The following ANTXR1 variants were observed in gnomAD, a reference collection of about 807,000 sequenced individuals.
ANTXR1 encodes the protein anthrax toxin receptor 1.
A neutral mutation model predicts 78.1 loss-of-function variants in ANTXR1; 19 were observed. The observed-to-expected ratio is 0.24, with a 90% CI of 0.17 to 0.36. ANTXR1 has a LOEUF of 0.36. ANTXR1 is among the 10% of genes least tolerant of loss of function. The pLI is 1.00. For missense variants in ANTXR1, 518 were observed against 718.6 expected (o/e 0.72, Z 3.19); for synonymous variants, 273 against 260.5 (o/e 1.05, Z -0.46).
At chr2:69,205,888 T>C (rs561491996) in intron 17 of ANTXR1, among the ~76,000 whole-genome samples, 1 of 152,188 alleles carries the variant, frequency 6.6e-6, no homozygotes, top group Non-Finnish European at 1.5e-5. Context: ...GTCATTGCCA[T>C]TTATTAATAA....
At chr2:69,068,506 C>T (rs536234395) in intron 3 of ANTXR1, among the ~76,000 whole-genome samples, 6 of 152,136 alleles carry the variant, frequency 3.9e-5, no homozygotes, top group East Asian at 1.9e-4. Flanking sequence ...CAGTGATTGC[C>T]GATGTGAAGT....
chr2:69,153,710 A>G (rs893660352), intron 13 of ANTXR1, among the ~76,000 whole-genome samples: 10 of 152,266 alleles, frequency 6.6e-5, no homozygotes, highest in Admixed American at 4.6e-4. Flanking sequence ...AAAAGAAAAG[A>G]AAAACCTTAC....
chr2:69,121,835 T>C (rs759056275), intron 10 of ANTXR1, among the ~76,000 whole-genome samples: 2 of 152,180 alleles, frequency 1.3e-5, no homozygotes, highest in African/African-American at 2.4e-5. Flanking sequence ...ATATACTTAG[T>C]ATAATAACTT....
intron 12 of ANTXR1, among the ~76,000 whole-genome samples, chr2:69,125,159 G>C (rs1471302787): frequency 1.3e-5 from 2 of 152,140 alleles, no homozygotes; most frequent in Non-Finnish European, 1.5e-5. Flanking sequence ...AGGAGAAAAT[G>C]GAAAACTGAT....
chr2:69,245,463 C>A lies in ANTXR1; in HGVS notation c.1673C>A (p.Pro558His). ...PPNRAPPPSR[P>H]PPRPSV Reference sequence around the variant, plus strand: ...AACAGGGCACCTCCTCCCTCCCGCCCTCCTCCAAGGCCTTCTGTCTAGAGC... The same window carrying A: ...AACAGGGCACCTCCTCCCTCCCGCCATCCTCCAAGGCCTTCTGTCTAGAGC... Residue 558 changes from proline to histidine, a missense_variant, in exon 18 of 18, where the codon CCT becomes CAT. This residue lies in a region of ANTXR1 where 192 missense variants were observed against 230.2 expected (regional missense o/e 0.83). Transcript: ENST00000303714. The A allele has an allele frequency of 1.2e-6, 2 of 1,612,786 alleles. No homozygotes were observed. The highest frequency in any genetic ancestry group is 2.2e-5 in the South Asian group (2 of 90,924).
intron 17 of ANTXR1, among the ~76,000 whole-genome samples, chr2:69,218,035 G>A (rs909106958): frequency 6.6e-6 from 1 of 152,166 alleles, no homozygotes; most frequent in African/African-American, 2.4e-5. Context: ...AACCCCCAGA[G>A]ATCTGAGGAC....
At chr2:69,085,718 C>T (rs1671030784) in intron 8 of ANTXR1, among the ~76,000 whole-genome samples, 1 of 140,480 alleles carries the variant, frequency 7.1e-6, no homozygotes, top group South Asian at 2.3e-4. Context: ...AAAAAAAAAA[C>T]ACTGTAAATT....
At chr2:69,134,709 T>G (rs1672861581) in intron 12 of ANTXR1, among the ~76,000 whole-genome samples, 1 of 152,216 alleles carries the variant, frequency 6.6e-6, no homozygotes, top group Non-Finnish European at 1.5e-5. Flanking sequence ...AGAGCTCTGT[T>G]GGTGATACTG....
chr2:69,050,301 TAAA>T (rs1669893479), intron 3 of ANTXR1, among the ~76,000 whole-genome samples: 1 of 139,778 alleles, frequency 7.2e-6, no homozygotes, highest in Non-Finnish European at 1.6e-5. Context: ...GTATCAAAAA[TAAA>T]TAAATAAATA....
At chr2:69,197,687 G>A (rs1674695689) in intron 17 of ANTXR1, among the ~76,000 whole-genome samples, 1 of 152,214 alleles carries the variant, frequency 6.6e-6, no homozygotes, top group Non-Finnish European at 1.5e-5. Flanking sequence ...CAGAGCCTAG[G>A]TGAGAAGGTT....
At chr2:69,131,963 C>T (rs944948645) in intron 12 of ANTXR1, among the ~76,000 whole-genome samples, 2 of 152,110 alleles carry the variant, frequency 1.3e-5, no homozygotes, top group African/African-American at 4.8e-5. Context: ...AGGAGCAGAC[C>T]CCTGCCTGGG....
intron 17 of ANTXR1, among the ~76,000 whole-genome samples, chr2:69,214,461 C>A (rs993717764): frequency 1.4e-4 from 21 of 152,186 alleles, no homozygotes; most frequent in Admixed American, 1.2e-3. Context: ...CAGGTCCACC[C>A]TCAAAAACAA....
intron 3 of ANTXR1, among the ~76,000 whole-genome samples, chr2:69,064,165 C>T (rs963979308): frequency 6.6e-6 from 1 of 152,148 alleles, no homozygotes; most frequent in Non-Finnish European, 1.5e-5. Flanking sequence ...TCCAGCATAT[C>T]ATTGATTTAT....
chr2:69,224,528 C>A (rs576974776), intron 17 of ANTXR1, among the ~76,000 whole-genome samples: 123 of 152,312 alleles, frequency 8.1e-4, no homozygotes, highest in Non-Finnish European at 4.0e-4. Flanking sequence ...CCTGCAAGTG[C>A]CCTACTTCCA....
At chr2:69,067,444 CCTT>C (rs1366304147) in intron 3 of ANTXR1, among the ~76,000 whole-genome samples, 4 of 130,632 alleles carry the variant, frequency 3.1e-5, no homozygotes, top group African/African-American at 1.4e-4. Flanking sequence ...CCCCAAGAAG[CCTT>C]TTTTTTTTTT....
At chr2:69,066,586 GAAC>G (rs563820259) in intron 3 of ANTXR1, among the ~76,000 whole-genome samples, 113 of 152,220 alleles carry the variant, frequency 7.4e-4, no homozygotes, top group Non-Finnish European at 1.1e-3. Context: ...GCAATTCCTA[GAAC>G]AACAGAAAGC....
chr2:69,193,388 T>C lies in ANTXR1; in HGVS notation c.1407T>C (p.Ser469=). The C allele has an allele frequency of 6.2e-7, 1 of 1,613,932 alleles. No homozygotes were observed. The highest frequency in any genetic ancestry group is 8.5e-7 in the Non-Finnish European group (1 of 1,179,936). ...VLLRKGYDRV[S]VMRPQPGDTG... ...TGAGGAAAGGATATGATCGTGTGTC[T>C]GTGATGCGTCCACAGCCAGGAGACA... The change falls in exon 17 of 18, where the codon TCT becomes TCC. Residue 469 remains serine, a synonymous_variant. Coordinates refer to ENST00000303714, the MANE Select transcript of ANTXR1 (RefSeq NM_032208.3).
chr2:69,133,136 A>G (rs1672805757), intron 12 of ANTXR1, among the ~76,000 whole-genome samples: 1 of 152,214 alleles, frequency 6.6e-6, no homozygotes, highest in African/African-American at 2.4e-5. Context: ...TGGACAGATT[A>G]TTCCAGAAAT....
At chr2:69,115,053 G>T (rs995947981) in intron 10 of ANTXR1, among the ~76,000 whole-genome samples, 2 of 152,154 alleles carry the variant, frequency 1.3e-5, no homozygotes, top group African/African-American at 4.8e-5. Context: ...ATAATTTATA[G>T]CTGGGGAGTG....
Sources: allele counts gnomAD v4.1 joint callset (sites outside exome capture counted in the v4.1 genomes callset), GRCh38; gene constraint gnomAD v4.1.1; regional missense constraint gnomAD v4.1.1; transcripts MANE v1.5; gene names NCBI Gene and HGNC (gene_info 2026-07-23, HGNC 2026-07-21).